The following MEGF9 variants were observed in gnomAD, a reference collection of about 807,000 sequenced individuals.
The protein encoded by MEGF9 is multiple EGF like domains 9, also known as multiple epidermal growth factor-like domains protein 9.
Under a neutral mutation model 46.8 loss-of-function variants are expected in MEGF9, and 6 were observed. That is an observed-to-expected ratio of 0.13 (90% CI 0.07 to 0.25). The LOEUF is 0.25. Among genes scored for constraint, MEGF9 ranks in the 10% least tolerant of loss-of-function variants. MEGF9 has a pLI of 1.00. For missense variants in MEGF9, 683 were observed against 792.4 expected, an observed-to-expected ratio of 0.86 and a Z score of 1.66; for synonymous variants, 302 against 330.7, an observed-to-expected ratio of 0.91 and a Z score of 0.94.
intron 1 of MEGF9, among the ~76,000 whole-genome samples, chr9:120,694,356 G>A (rs2043865250): frequency 6.6e-6 from 1 of 152,232 alleles, no homozygotes. Context: ...CAACAGAATT[G>A]AGAGGATTAG....
At chr9:120,639,022 A>G (rs1185386180) in intron 2 of MEGF9, among the ~76,000 whole-genome samples, 1 of 152,196 alleles carries the variant, frequency 6.6e-6, no homozygotes, top group African/African-American at 2.4e-5. Context: ...AATTCTTTAT[A>G]TACTTCTGTA....
At chr9:120,671,224 A>G (rs531190092) in intron 1 of MEGF9, among the ~76,000 whole-genome samples, 2 of 152,290 alleles carry the variant, frequency 1.3e-5, no homozygotes, top group South Asian at 4.1e-4. Context: ...TTATGCTTCC[A>G]CTTCCACATG....
chr9:120,637,628 C>A (rs1028929202), intron 2 of MEGF9, among the ~76,000 whole-genome samples: 7 of 150,906 alleles, frequency 4.6e-5, no homozygotes, highest in Non-Finnish European at 1.0e-4. Flanking sequence ...CCCATCTCTA[C>A]TAAAAATACA....
Position 120,659,523 on chromosome 9 carries a change from G to A in MEGF9, c.654C>T (p.Asn218=). 1 of 1,613,600 alleles carries A rather than the reference G, an allele frequency of 6.2e-7. No homozygotes were observed. Among genetic ancestry groups the A allele is most frequent in the African/African-American group, 1.3e-5 (1 of 75,012 alleles). ...VVGSLNVNRC[N]QTTGQCECRP... ...GACACTCACACTGCCCTGTGGTCTG[G>A]TTGCAGCGATTCACATTCAGGCTTC... Residue 218 remains asparagine (N), a synonymous_variant, in exon 2 of 6, where the codon AAC becomes AAT. Coordinates refer to ENST00000373930, the MANE Select transcript of MEGF9 (RefSeq NM_001080497.3).
chr9:120,631,206 G>C (rs1253620260), intron 2 of MEGF9, among the ~76,000 whole-genome samples: 2 of 152,178 alleles, frequency 1.3e-5, no homozygotes, highest in African/African-American at 2.4e-5. Context: ...TGGATATCCA[G>C]TTTCCCCAGC....
At chr9:120,617,923 T>C (rs2132301863) in intron 3 of MEGF9, among the ~76,000 whole-genome samples, 1 of 152,214 alleles carries the variant, frequency 6.6e-6, no homozygotes, top group East Asian at 1.9e-4. Flanking sequence ...TACTAGGCTT[T>C]GGGACTGAGT....
At chr9:120,628,980 G>T (rs1415498621) in intron 2 of MEGF9, among the ~76,000 whole-genome samples, 4 of 151,858 alleles carry the variant, frequency 2.6e-5, no homozygotes, top group Admixed American at 2.0e-4. Flanking sequence ...ACTTTGTTTT[G>T]TTTTTTGTTT....
At chr9:120,668,766 G>A (rs1468074922) in intron 1 of MEGF9, among the ~76,000 whole-genome samples, 4 of 152,350 alleles carry the variant, frequency 2.6e-5, no homozygotes, top group Middle Eastern at 3.4e-3. Context: ...GCCTCCTTTA[G>A]TGTTCACCAT....
At chr9:120,677,432 T>G (rs1010788546) in intron 1 of MEGF9, among the ~76,000 whole-genome samples, 1 of 152,112 alleles carries the variant, frequency 6.6e-6, no homozygotes, top group Non-Finnish European at 1.5e-5. Flanking sequence ...CGTCTGGCAT[T>G]TTTTTTCCAA....
intron 2 of MEGF9, among the ~76,000 whole-genome samples, chr9:120,640,855 G>T (rs952946045): frequency 2.6e-5 from 2 of 78,034 alleles, no homozygotes; most frequent in African/African-American, 5.0e-5. Context: ...TTTACCCCCC[G>T]CCCACCCTCC....
At chr9:120,661,088 C>A (rs2043699738) in intron 1 of MEGF9, among the ~76,000 whole-genome samples, 1 of 152,162 alleles carries the variant, frequency 6.6e-6, no homozygotes, top group Non-Finnish European at 1.5e-5. Context: ...CCACACAAGT[C>A]AAAACAAAAG....
chr9:120,653,886 T>C (rs1369869932), intron 2 of MEGF9, among the ~76,000 whole-genome samples: 1 of 152,222 alleles, frequency 6.6e-6, no homozygotes, highest in East Asian at 1.9e-4. Flanking sequence ...CTATAGATAC[T>C]GCAATCATCT....
chr9:120,713,643 G>C, intron 1 of MEGF9, 115 bp downstream of exon 1: 2 of 1,228,268 alleles, frequency 1.6e-6, no homozygotes, highest in Non-Finnish European at 2.0e-6. Flanking sequence ...CTCGGGAGCC[G>C]GAACCTGGGG....
chr9:120,619,794 T>A (rs1352142139), intron 3 of MEGF9, among the ~76,000 whole-genome samples: 2 of 152,232 alleles, frequency 1.3e-5, no homozygotes, highest in Non-Finnish European at 2.9e-5. Flanking sequence ...GTCAAATTGC[T>A]TTCCAAAATG....
chr9:120,606,698 T>A (rs2043421674), intron 5 of MEGF9, among the ~76,000 whole-genome samples: 1 of 152,196 alleles, frequency 6.6e-6, no homozygotes, highest in South Asian at 2.1e-4. Context: ...AACATCAACT[T>A]TGCTGAGTTC....
chr9:120,689,740 A>G (rs1587996834), intron 1 of MEGF9, among the ~76,000 whole-genome samples: 1 of 152,296 alleles, frequency 6.6e-6, no homozygotes, highest in Non-Finnish European at 1.5e-5. Flanking sequence ...CTTACTCAGA[A>G]GGTAGGAAAA....
chr9:120,674,200 A>C (rs186899945), intron 1 of MEGF9, among the ~76,000 whole-genome samples: 3 of 152,340 alleles, frequency 2.0e-5, no homozygotes, highest in African/African-American at 7.2e-5. Flanking sequence ...AGAAAATAAA[A>C]ACACAGCCAT....
chr9:120,681,780 C>T (rs1247593108), intron 1 of MEGF9, among the ~76,000 whole-genome samples: 1 of 152,004 alleles, frequency 6.6e-6, no homozygotes, highest in Non-Finnish European at 1.5e-5. Context: ...TCACAATATC[C>T]CAAGTCCAAG....
At position 120,603,977 on chromosome 9, in the gene MEGF9, T is replaced by C. The variant is rs2043408662; in HGVS notation, c.*1213A>G. ...GGCTTTTCTCTTGGAACTAAAATATTTCTATCCTTTGGAAGACTATCTTTT... is the reference window on the plus strand; with the variant it reads ...GGCTTTTCTCTTGGAACTAAAATATCTCTATCCTTTGGAAGACTATCTTTT... On this transcript the variant is annotated 3_prime_UTR_variant, in exon 6 of 6. Transcript: ENST00000373930. 1 of 152,672 alleles carries C rather than the reference T, an allele frequency of 6.5e-6. No individual in the cohort carries two copies. Among genetic ancestry groups the C allele is most frequent in the Non-Finnish European group, 1.5e-5 (1 of 68,048 alleles). 9.5% of individuals were successfully genotyped at this position (152,672 alleles called of 1,614,324 possible).
Sources: allele counts gnomAD v4.1 joint callset (sites outside exome capture counted in the v4.1 genomes callset), GRCh38; gene constraint gnomAD v4.1.1; transcripts MANE v1.5; gene names NCBI Gene and HGNC (gene_info 2026-07-23, HGNC 2026-07-21).